Variants in STXBP5L observed in about 807,000 individuals in gnomAD.
The protein encoded by STXBP5L is syntaxin binding protein 5L.
In STXBP5L, 65 loss-of-function variants were observed where a neutral mutation model predicts 144.5. That is an observed-to-expected ratio of 0.45 (90% CI 0.37 to 0.55). STXBP5L has a LOEUF of 0.55. Ranked by LOEUF, STXBP5L falls within the 20% of genes least tolerant of loss-of-function variation. STXBP5L has a pLI of 0.00. For missense variants in STXBP5L, 1,298 were observed against 1,405.5 expected, an observed-to-expected ratio of 0.92 and a Z score of 1.22; for synonymous variants, 505 against 469.6, an observed-to-expected ratio of 1.08 and a Z score of -0.97.
In STXBP5L at chr3:121,400,595, G is replaced by A. The variant is rs79236370; in HGVS notation, c.2588-6648G>A. ...AACTTAGCAGCCATCAGACTCAAAT[G>A]TACTTAAGTAACTGAAGTCATGTGG... On this transcript the variant is annotated intron_variant, in intron 22 of 26. Coordinates refer to ENST00000471454, the MANE Select transcript of STXBP5L (RefSeq NM_001308330.2). Among the ~76,000 whole-genome samples, 697 of 152,316 alleles carry A rather than the reference G, an allele frequency of 4.6e-3. 5 individuals are homozygous for A. Among genetic ancestry groups the A allele is most frequent in the African/African-American group, 0.016 (658 of 41,556 alleles).
At chr3:120,940,751 T>G (rs1304667039) in intron 2 of STXBP5L, among the ~76,000 whole-genome samples, 1 of 151,836 alleles carries the variant, frequency 6.6e-6, no homozygotes, top group Non-Finnish European at 1.5e-5. Context: ...TGGATATCCT[T>G]TAGGGGTTAT....
intron 10 of STXBP5L, among the ~76,000 whole-genome samples, chr3:121,219,403 T>C (rs1254409460): frequency 2.0e-5 from 3 of 152,134 alleles, no homozygotes; most frequent in Admixed American, 2.0e-4. Flanking sequence ...TAGGGTCTCT[T>C]ACTGGACTGC....
At chr3:121,049,200 G>T (rs774876238) in intron 5 of STXBP5L, among the ~76,000 whole-genome samples, 1 of 152,136 alleles carries the variant, frequency 6.6e-6, no homozygotes, top group Non-Finnish European at 1.5e-5. Context: ...CTGTGCTAGG[G>T]GTTCATGGTA....
In STXBP5L at chr3:121,381,340, A is replaced by G; in HGVS notation, c.2395A>G (p.Ser799Gly). Residue 799 changes from serine to glycine, a missense_variant, in exon 22 of 27, where the codon AGT becomes GGT. Physicochemically the swap from Ser to Gly is moderately conservative, Grantham distance 56. Transcript: ENST00000471454. ...YNRSRSSSIS[S>G]IDKDSKEAIT... ...TCGTTCTAGAAGCTCTAGTATCTCC[A>G]GTATTGACAAAGATTCTAAAGAAGC... 1 of 1,602,004 alleles carries G rather than the reference A, an allele frequency of 6.2e-7. No homozygotes were observed. The highest frequency in any genetic ancestry group is 8.5e-7 in the Non-Finnish European group (1 of 1,176,784).
chr3:121,388,752 G>A (rs560113675), intron 22 of STXBP5L, among the ~76,000 whole-genome samples: 22 of 152,230 alleles, frequency 1.4e-4, no homozygotes, highest in African/African-American at 3.6e-4. Context: ...CAACTTGATC[G>A]TGGTGGATAA....
chr3:121,130,636 T>C (rs2044939950), intron 7 of STXBP5L, among the ~76,000 whole-genome samples: 1 of 152,108 alleles, frequency 6.6e-6, no homozygotes, highest in Non-Finnish European at 1.5e-5. Flanking sequence ...ATTACATCTC[T>C]ACTAAGGGCT....
At chr3:121,350,742 T>C (rs1473177643) in intron 20 of STXBP5L, among the ~76,000 whole-genome samples, 1 of 152,170 alleles carries the variant, frequency 6.6e-6, no homozygotes, top group Non-Finnish European at 1.5e-5. Context: ...TTTCTTCCAG[T>C]TGATCGAATC....
intron 5 of STXBP5L, among the ~76,000 whole-genome samples, chr3:121,054,791 T>G (rs1948328834): frequency 9.3e-6 from 1 of 107,684 alleles, no homozygotes; most frequent in Non-Finnish European, 1.9e-5. Context: ...TCTTTACCAG[T>G]AAAATATTAA....
intron 9 of STXBP5L, among the ~76,000 whole-genome samples, chr3:121,191,437 G>C (rs2047678631): frequency 1.3e-5 from 2 of 152,208 alleles, no homozygotes; most frequent in African/African-American, 4.8e-5. Flanking sequence ...CATTCGGCAG[G>C]CTGAGGCAGG....
intron 5 of STXBP5L, among the ~76,000 whole-genome samples, chr3:121,053,439 A>G (rs570217597): frequency 3.7e-4 from 56 of 152,328 alleles, no homozygotes; most frequent in Middle Eastern, 6.8e-3. Context: ...ATAATTCTGC[A>G]TATCTACAAC....
chr3:121,253,886 C>T (rs867059091), intron 15 of STXBP5L, among the ~76,000 whole-genome samples: 1 of 149,900 alleles, frequency 6.7e-6, no homozygotes. Context: ...ATCTCCTGAC[C>T]TGGTGATCCG....
chr3:120,978,657 T>A (rs1038776119), intron 3 of STXBP5L, among the ~76,000 whole-genome samples: 1 of 130,152 alleles, frequency 7.7e-6, no homozygotes, highest in African/African-American at 2.9e-5. Flanking sequence ...TGCTCTGATT[T>A]TTCCCCATCT....
At position 121,294,778 on chromosome 3, in the gene STXBP5L, AAAAACAAAAC is replaced by A. The variant is rs961797879; in HGVS notation, c.2110+14837_2110+14846del. 8.5e-5 allele frequency among the ~76,000 whole-genome samples: 13 copies of A among 152,270 alleles called. No individual in the cohort carries two copies. In the East Asian group the frequency reaches 2.3e-3, roughly 27 times the overall value. On this transcript the variant is annotated intron_variant, in intron 19 of 26. Transcript: ENST00000471454. The stretch of plus-strand genomic sequence containing the variant: ...AAAAGGAAAAGACCTTCACAGAAGA[AAAAACAAAAC>A]AAAACAAAACAAAAAACCTGGGGAA...
chr3:121,042,737 C>T (rs988842257), intron 4 of STXBP5L, among the ~76,000 whole-genome samples: 1 of 152,100 alleles, frequency 6.6e-6, no homozygotes, highest in Non-Finnish European at 1.5e-5. Flanking sequence ...GTTCACTTTT[C>T]ACTTCTCTTG....
intron 20 of STXBP5L, among the ~76,000 whole-genome samples, chr3:121,347,820 T>C (rs1417857512): frequency 2.6e-5 from 4 of 151,314 alleles, no homozygotes; most frequent in Admixed American, 6.6e-5. Flanking sequence ...ATCCTGAGAC[T>C]TTGCTGAAGT....
At chr3:121,068,981 G>A (rs2041681563) in intron 5 of STXBP5L, among the ~76,000 whole-genome samples, 1 of 152,094 alleles carries the variant, frequency 6.6e-6, no homozygotes, top group Admixed American at 6.6e-5. Context: ...CACCCCATAT[G>A]TTAATGTCGT....
At chr3:121,135,498 G>T (rs964719938) in intron 7 of STXBP5L, among the ~76,000 whole-genome samples, 1 of 152,154 alleles carries the variant, frequency 6.6e-6, no homozygotes, top group African/African-American at 2.4e-5. Flanking sequence ...CCATCTGGGG[G>T]TGATGGATCA....
chr3:121,270,627 A>G (rs1211719600), intron 18 of STXBP5L, among the ~76,000 whole-genome samples: 3 of 151,906 alleles, frequency 2.0e-5, no homozygotes, highest in Admixed American at 1.3e-4. Flanking sequence ...TAATTTTTGT[A>G]TTTTTAGTAG....
chr3:121,136,190 A>G (rs1023733991), intron 7 of STXBP5L, among the ~76,000 whole-genome samples: 1 of 152,230 alleles, frequency 6.6e-6, no homozygotes, highest in African/African-American at 2.4e-5. Flanking sequence ...CAGGCAGCAC[A>G]GCACAGAGAG....
Sources: allele counts gnomAD v4.1 joint callset (sites outside exome capture counted in the v4.1 genomes callset), GRCh38; gene constraint gnomAD v4.1.1; transcripts MANE v1.5; gene names NCBI Gene and HGNC (gene_info 2026-07-23, HGNC 2026-07-21).